Variants in SOX6 observed in about 807,000 individuals in gnomAD.
SOX6 encodes transcription factor SOX-6.
SOX6 carries 11 observed loss-of-function variants against 97.8 expected under a neutral mutation model. The ratio of observed to expected loss-of-function variants is 0.11; its 90% CI spans 0.07 to 0.19. SOX6 has a LOEUF of 0.19. SOX6 is among the 10% of genes least tolerant of loss of function. The pLI, the probability that SOX6 is intolerant of heterozygous loss-of-function variation, is 1.00. For missense variants in SOX6, 810 were observed against 1,039.5 expected, an observed-to-expected ratio of 0.78 and a Z score of 3.04; for synonymous variants, 360 against 371.4, an observed-to-expected ratio of 0.97 and a Z score of 0.35.
At chr11:16,284,058 A>G (rs1019664077) in intron 3 of SOX6, 1 of 239,778 alleles carries the variant, frequency 4.2e-6, no homozygotes, top group Non-Finnish European at 8.2e-6. Context: ...GCAAGAAAGA[A>G]GTGTTATTTT....
intron 9 of SOX6, among the ~76,000 whole-genome samples, chr11:16,064,189 A>G (rs1848034667): frequency 6.6e-6 from 1 of 151,702 alleles, no homozygotes; most frequent in African/African-American, 2.4e-5. Context: ...AATTAACCCC[A>G]CATTAATAGA....
intron 4 of SOX6, among the ~76,000 whole-genome samples, chr11:16,591,589 C>T (rs77199750): frequency 0.011 from 1,645 of 152,134 alleles, 21 homozygotes; most frequent in African/African-American, 0.037. Context: ...CTATCACTTA[C>T]AAAAATTTTC....
intron 3 of SOX6, among the ~76,000 whole-genome samples, chr11:16,284,145 A>G (rs1254632350): frequency 6.6e-6 from 1 of 152,150 alleles, no homozygotes; most frequent in African/African-American, 2.4e-5. Flanking sequence ...TGCTTCTGAT[A>G]TCTCTTACAG....
At chr11:16,235,693 T>C (rs1395253407) in intron 3 of SOX6, among the ~76,000 whole-genome samples, 1 of 152,136 alleles carries the variant, frequency 6.6e-6, no homozygotes, top group Non-Finnish European at 1.5e-5. Context: ...CTCTCTCGTA[T>C]CAGCACCTAT....
chr11:15,979,735 T>C (rs1853606373), intron 15 of SOX6, among the ~76,000 whole-genome samples: 1 of 152,044 alleles, frequency 6.6e-6, no homozygotes, highest in Non-Finnish European at 1.5e-5. Context: ...TTCCCAGATA[T>C]CTGCACAGCT....
At chr11:16,623,148 G>A (rs1176743927) in intron 3 of SOX6, among the ~76,000 whole-genome samples, 2 of 151,860 alleles carry the variant, frequency 1.3e-5, no homozygotes, top group African/African-American at 4.8e-5. Flanking sequence ...AGCCTCTCGG[G>A]TAGCTGGGAT....
chr11:16,232,869 C>T (rs1467456853), intron 4 of SOX6, among the ~76,000 whole-genome samples: 1 of 151,992 alleles, frequency 6.6e-6, no homozygotes, highest in Non-Finnish European at 1.5e-5. Context: ...TCTTTGTATC[C>T]ATCAATAAGT....
At chr11:16,093,683 C>T (rs35011850) in intron 9 of SOX6, among the ~76,000 whole-genome samples, 2,864 of 151,940 alleles carry the variant, frequency 0.019, 38 homozygotes, top group Non-Finnish European at 0.029. Flanking sequence ...CATTGTAATG[C>T]TTTCTAAGTA....
chr11:16,221,365 AATT>A (rs1320416332), intron 4 of SOX6, among the ~76,000 whole-genome samples: 1 of 152,102 alleles, frequency 6.6e-6, no homozygotes, highest in Non-Finnish European at 1.5e-5. Flanking sequence ...AACCAATAAA[AATT>A]ATTAATTTTA....
upstream of SOX6, among the ~76,000 whole-genome samples, chr11:16,361,336 G>A (rs16932966): frequency 0.3 from 45,535 of 151,738 alleles, 7,576 homozygotes; most frequent in African/African-American, 0.42. Context: ...ATTGTTCCAA[G>A]ATTAAACAAC....
intron 1 of SOX6, among the ~76,000 whole-genome samples, chr11:16,404,361 C>A (rs1310696850): frequency 6.6e-6 from 1 of 151,804 alleles, no homozygotes; most frequent in East Asian, 1.9e-4. Flanking sequence ...ATTAAGAAAG[C>A]CCTCACCACG....
intron 14 of SOX6, 137 bp from the exon 15 acceptor site, chr11:15,986,557 C>A: frequency 1.3e-6 from 1 of 757,980 alleles, no homozygotes; most frequent in South Asian, 1.5e-5. Flanking sequence ...ACTGGCTGTC[C>A]CAACTATACT....
chr11:16,219,831 A>G (rs894490173), intron 4 of SOX6, among the ~76,000 whole-genome samples: 1 of 151,958 alleles, frequency 6.6e-6, no homozygotes, highest in African/African-American at 2.4e-5. Context: ...ACTCTAAACT[A>G]AAGATATACC....
rs188886453 is a variant in SOX6 at position 16,318,228 on chromosome 11, A to G, written c.445+218T>C. The G allele has an allele frequency of 1.6e-3, 905 of 576,416 alleles. 16 individuals carry two copies. In the East Asian group the frequency reaches 0.026, roughly 17 times the overall value. The allele number at this position is 576,416 out of a possible 1,614,324, so 35.7% of individuals were successfully genotyped here. ...TCCTAATTTGTTATCTTAAGAACCA[A>G]ATAAAATGCACAAAGTTTTAGAAAA... On this transcript the variant is annotated intron_variant, in intron 3 of 15. Coordinates refer to ENST00000683767, the MANE Select transcript of SOX6 (RefSeq NM_001367873.1).
intron 4 of SOX6, among the ~76,000 whole-genome samples, chr11:16,581,493 A>C (rs1480475995): frequency 6.6e-6 from 1 of 152,166 alleles, no homozygotes; most frequent in African/African-American, 2.4e-5. Flanking sequence ...TAGTTAATGC[A>C]TGAAGGGCTT....
Position 16,091,947 on chromosome 11 carries a change from A to G in SOX6, c.1101+4049T>C, listed in dbSNP as rs75924346. ...AATGCTAGACAAAAATCATTCTCTG[A>G]AGCTAATGAAGACAGAAACTCTGCC... On this transcript the variant is annotated intron_variant, in intron 9 of 15. Coordinates refer to ENST00000683767, the MANE Select transcript of SOX6 (RefSeq NM_001367873.1). 5.7e-3 allele frequency among the ~76,000 whole-genome samples: 865 copies of G among 152,184 alleles called. 3 individuals carry two copies. The highest frequency in any genetic ancestry group is 9.0e-3 in the Non-Finnish European group (612 of 67,966).
chr11:16,124,434 T>A (rs1054717382), intron 6 of SOX6, among the ~76,000 whole-genome samples: 4 of 151,222 alleles, frequency 2.6e-5, no homozygotes, highest in Non-Finnish European at 5.9e-5. Flanking sequence ...CTAGATAGAG[T>A]ATGAAGAATG....
intron 1 of SOX6, among the ~76,000 whole-genome samples, chr11:16,370,454 C>T (rs1229378759): frequency 6.6e-6 from 1 of 152,030 alleles, no homozygotes; most frequent in African/African-American, 2.4e-5. Flanking sequence ...TTATATAATT[C>T]AGATTTGTTA....
At chr11:16,324,262 T>TTAAGC (rs1856007223) in intron 2 of SOX6, among the ~76,000 whole-genome samples, 1 of 152,064 alleles carries the variant, frequency 6.6e-6, no homozygotes, top group African/African-American at 2.4e-5. Flanking sequence ...ACAGGATTGC[T>TTAAGC]TAAGCTAAAC....
Sources: allele counts gnomAD v4.1 joint callset (sites outside exome capture counted in the v4.1 genomes callset), GRCh38; gene constraint gnomAD v4.1.1; transcripts MANE v1.5; gene names NCBI Gene and HGNC (gene_info 2026-07-23, HGNC 2026-07-21).